Variants in TULP4 observed in about 807,000 individuals in gnomAD.
TULP4 encodes the protein tubby-related protein 4.
Under a neutral mutation model 129.0 loss-of-function variants are expected in TULP4, and 16 were observed. The ratio of observed to expected loss-of-function variants is 0.12; its 90% CI spans 0.08 to 0.19. The LOEUF (loss-of-function observed/expected upper bound fraction) is 0.19, where lower values mean the gene tolerates loss of function less well. Among genes scored for constraint, TULP4 ranks in the 10% least tolerant of loss-of-function variants. TULP4 has a pLI of 1.00. For synonymous variants in TULP4, 998 were observed against 854.0 expected (o/e 1.17, Z -2.94); for missense variants, 1,842 against 2,059.1 (o/e 0.89, Z 2.04).
At chr6:158,496,686 G>T (rs1343412871) in intron 11 of TULP4, among the ~76,000 whole-genome samples, 1 of 152,210 alleles carries the variant, frequency 6.6e-6, no homozygotes, top group African/African-American at 2.4e-5. Flanking sequence ...AGTAAGCTGA[G>T]AACTTAGCCA....
chr6:158,466,384 T>TC (rs1423953559), intron 6 of TULP4, among the ~76,000 whole-genome samples: 4 of 152,204 alleles, frequency 2.6e-5, no homozygotes, highest in African/African-American at 7.2e-5. Flanking sequence ...TTCTGGGATT[T>TC]TTTTTGGACT....
At chr6:158,268,722 G>A (rs555033546) in intron 1 of TULP4, among the ~76,000 whole-genome samples, 4 of 152,260 alleles carry the variant, frequency 2.6e-5, no homozygotes, top group South Asian at 2.1e-4. Context: ...GATTTCATTT[G>A]ATTCTGTTGG....
chr6:158,390,206 A>G (rs75661937), intron 1 of TULP4, among the ~76,000 whole-genome samples: 25 of 152,186 alleles, frequency 1.6e-4, no homozygotes, highest in Admixed American at 1.6e-3. Flanking sequence ...GGTATTCTCT[A>G]TGAACTATTT....
chr6:158,234,264 A>T (rs1472451475), intron 1 of TULP4, among the ~76,000 whole-genome samples: 1 of 152,240 alleles, frequency 6.6e-6, no homozygotes, highest in Admixed American at 6.5e-5. Context: ...TGTTTAACCC[A>T]TAAAGCAATG....
chr6:158,425,881 A>C lies in TULP4; in HGVS notation c.382-3855A>C, dbSNP rs1317770958. Among the ~76,000 whole-genome samples, 3 of 152,100 alleles carry C rather than the reference A, an allele frequency of 2.0e-5. No individual in the cohort carries two copies. The East Asian group carries it at 5.8e-4, about 29-fold the overall frequency. ...AGTGTTGGGATTATAGGCGTGAGCC[A>C]CCTCGCCCTGCCCTGTTTTTTGACT... On this transcript the variant is annotated intron_variant, in intron 2 of 13. Transcript: ENST00000367097.
intron 1 of TULP4, among the ~76,000 whole-genome samples, chr6:158,290,740 T>TTA (rs1345039628): frequency 6.6e-6 from 1 of 152,044 alleles, no homozygotes; most frequent in East Asian, 1.9e-4. Flanking sequence ...TATAAAGGCC[T>TTA]TAGAGTACTT....
At chr6:158,357,819 A>AT (rs563944442) in intron 1 of TULP4, among the ~76,000 whole-genome samples, 1 of 151,762 alleles carries the variant, frequency 6.6e-6, no homozygotes, top group Admixed American at 6.6e-5. Flanking sequence ...TCACCTCTTA[A>AT]TTTTTTTTCT....
intron 3 of TULP4, among the ~76,000 whole-genome samples, chr6:158,436,008 G>A (rs973790193): frequency 5.3e-5 from 8 of 151,898 alleles, no homozygotes; most frequent in African/African-American, 1.7e-4. Context: ...TCCGCCTCCC[G>A]GGTTCAAGCG....
chr6:158,432,723 T>C (rs1778659448), intron 3 of TULP4, among the ~76,000 whole-genome samples: 1 of 152,256 alleles, frequency 6.6e-6, no homozygotes, highest in African/African-American at 2.4e-5. Flanking sequence ...TAGCTGGGCA[T>C]AGTGGCATGT....
At chr6:158,250,764 CAT>C (rs1297196789) in intron 1 of TULP4, among the ~76,000 whole-genome samples, 1 of 152,198 alleles carries the variant, frequency 6.6e-6, no homozygotes, top group African/African-American at 2.4e-5. Flanking sequence ...TTCTCCCCCA[CAT>C]GACTGAGAAA....
intron 1 of TULP4, chr6:158,237,461 C>A: frequency 6.5e-7 from 1 of 1,544,952 alleles, no homozygotes; most frequent in Non-Finnish European, 8.9e-7. Flanking sequence ...AGTGTCGCTG[C>A]ACTGCCAGGT....
chr6:158,390,871 A>G (rs959058365), intron 1 of TULP4, among the ~76,000 whole-genome samples: 5 of 152,218 alleles, frequency 3.3e-5, no homozygotes, highest in African/African-American at 1.2e-4. Context: ...TGGGCCGCCA[A>G]GGTGGGAGCA....
At chr6:158,444,874 C>T (rs558325128) in intron 3 of TULP4, among the ~76,000 whole-genome samples, 1 of 152,260 alleles carries the variant, frequency 6.6e-6, no homozygotes, top group East Asian at 1.9e-4. Flanking sequence ...TGCATTGGAG[C>T]AATCATGGCT....
At chr6:158,408,688 G>C (rs1778021067) in intron 1 of TULP4, among the ~76,000 whole-genome samples, 1 of 152,212 alleles carries the variant, frequency 6.6e-6, no homozygotes, top group Non-Finnish European at 1.5e-5. Context: ...CCAGACTCCA[G>C]AGCCCGCCTT....
intron 1 of TULP4, among the ~76,000 whole-genome samples, chr6:158,402,228 GC>G (rs1213459820): frequency 1.3e-5 from 2 of 152,066 alleles, no homozygotes; most frequent in Non-Finnish European, 2.9e-5. Context: ...GGCATCCCAT[GC>G]CCCCACACCC....
At chr6:158,372,123 GTTTTT>G (rs757335426) in intron 1 of TULP4, among the ~76,000 whole-genome samples, 2 of 28,820 alleles carry the variant, frequency 6.9e-5, no homozygotes, top group African/African-American at 1.5e-4. Context: ...CCATTTTCTA[GTTTTT>G]TTTTTTTTTT....
chr6:158,443,169 A>G (rs1778939401), intron 3 of TULP4, among the ~76,000 whole-genome samples: 1 of 152,040 alleles, frequency 6.6e-6, no homozygotes, highest in Non-Finnish European at 1.5e-5. Context: ...TTTTTAGTAG[A>G]GACTGGTTTT....
intron 1 of TULP4, among the ~76,000 whole-genome samples, chr6:158,353,758 G>A (rs1413999567): frequency 6.6e-6 from 1 of 152,192 alleles, no homozygotes; most frequent in Non-Finnish European, 1.5e-5. Context: ...AAATCTCTGT[G>A]AATAGATCAT....
intron 3 of TULP4, among the ~76,000 whole-genome samples, chr6:158,431,585 A>G (rs1583868526): frequency 2.0e-5 from 3 of 152,166 alleles, no homozygotes; most frequent in Admixed American, 6.6e-5. Context: ...CTTACACAGA[A>G]TCTGCTGCCG....
Sources: gnomAD v4.1 joint callset for allele counts (sites outside exome capture counted in the v4.1 genomes callset) on GRCh38, gnomAD v4.1.1 for gene constraint, MANE v1.5 for transcripts, NCBI Gene and HGNC (gene_info 2026-07-23, HGNC 2026-07-21) for gene names.